ZNF385D: variants seen among roughly 807,000 people sequenced by gnomAD.
The protein encoded by ZNF385D is zinc finger protein 659.
Under a neutral mutation model 35.8 loss-of-function variants are expected in ZNF385D, and 15 were observed. The ratio of observed to expected loss-of-function variants is 0.42; its 90% confidence interval spans 0.28 to 0.64. The LOEUF is 0.64. ZNF385D is among the 30% of genes least tolerant of loss of function. The pLI is 0.23. For synonymous variants in ZNF385D, 212 were observed against 186.8 expected (o/e 1.13, Z -1.10); for missense variants, 474 against 494.6 (o/e 0.96, Z 0.39).
At chr3:21,907,107 G>C (rs910595955) in intron 3 of ZNF385D, among the ~76,000 whole-genome samples, 31 of 152,066 alleles carry the variant, frequency 2.0e-4, no homozygotes, top group Non-Finnish European at 7.4e-5. Context: ...CATCGAGAAT[G>C]TTTATTAGAA....
intron 3 of ZNF385D, among the ~76,000 whole-genome samples, chr3:22,115,040 T>C (rs1159137050): frequency 6.6e-6 from 1 of 152,040 alleles, no homozygotes; most frequent in South Asian, 2.1e-4. Context: ...ATTAGCCAGT[T>C]TCAAGTATTT....
intron 3 of ZNF385D, among the ~76,000 whole-genome samples, chr3:21,978,822 A>G (rs1694217478): frequency 6.6e-6 from 1 of 152,190 alleles, no homozygotes; most frequent in South Asian, 2.1e-4. Context: ...CATTATGACA[A>G]ATGTTTCCTG....
At chr3:21,535,278 C>T (rs988456868) in intron 3 of ZNF385D, among the ~76,000 whole-genome samples, 3 of 152,052 alleles carry the variant, frequency 2.0e-5, no homozygotes, top group African/African-American at 7.2e-5. Flanking sequence ...CATCTAACTG[C>T]CAGCTAATGG....
At chr3:21,849,618 T>A (rs1696249255) in intron 3 of ZNF385D, 1 of 141,782 alleles carries the variant, frequency 7.1e-6, no homozygotes. Context: ...TTTTTTTTTT[T>A]TTTTTTTTTC....
chr3:21,985,095 A>G (rs1694730787), intron 3 of ZNF385D, among the ~76,000 whole-genome samples: 1 of 134,480 alleles, frequency 7.4e-6, no homozygotes, highest in South Asian at 2.8e-4. Context: ...CTAGATAAAC[A>G]ATCATGTCGT....
chr3:21,566,080 G>A (rs180814775), intron 2 of ZNF385D, among the ~76,000 whole-genome samples: 1 of 152,108 alleles, frequency 6.6e-6, no homozygotes, highest in Non-Finnish European at 1.5e-5. Flanking sequence ...GTTAACATAC[G>A]GTTCTGAATA....
intron 3 of ZNF385D, among the ~76,000 whole-genome samples, chr3:21,990,403 A>T (rs1236884280): frequency 6.6e-6 from 1 of 152,222 alleles, no homozygotes; most frequent in East Asian, 1.9e-4. Context: ...CTATGAACTT[A>T]CCTAACTTCC....
At chr3:22,115,384 T>A (rs183083609) in intron 3 of ZNF385D, among the ~76,000 whole-genome samples, 1 of 152,090 alleles carries the variant, frequency 6.6e-6, no homozygotes, top group Non-Finnish European at 1.5e-5. Flanking sequence ...TGTGCACAAG[T>A]AGAAAGAGAA....
chr3:21,770,947 G>C (rs550583129), intron 3 of ZNF385D, among the ~76,000 whole-genome samples: 26 of 152,182 alleles, frequency 1.7e-4, no homozygotes, highest in African/African-American at 6.0e-4. Context: ...TAGGGACATG[G>C]ATGAAGCTGG....
chr3:21,891,377 T>C (rs986639716), intron 3 of ZNF385D, among the ~76,000 whole-genome samples: 3 of 152,164 alleles, frequency 2.0e-5, no homozygotes, highest in Admixed American at 6.5e-5. Flanking sequence ...TTTCAAGTAA[T>C]GCGTGACTAG....
intron 3 of ZNF385D, among the ~76,000 whole-genome samples, chr3:22,006,605 A>G (rs1696222596): frequency 1.3e-5 from 2 of 152,150 alleles, no homozygotes; most frequent in South Asian, 4.1e-4. Flanking sequence ...AAAGTTCATT[A>G]CAGAAAGAAG....
intron 3 of ZNF385D, among the ~76,000 whole-genome samples, chr3:21,959,242 G>A (rs979268420): frequency 2.6e-5 from 4 of 152,106 alleles, no homozygotes; most frequent in African/African-American, 9.7e-5. Flanking sequence ...ATAAAGTGTA[G>A]TGCCTACAAC....
chr3:21,812,547 T>C (rs1157990951), intron 3 of ZNF385D, among the ~76,000 whole-genome samples: 3 of 152,242 alleles, frequency 2.0e-5, no homozygotes, highest in Admixed American at 6.5e-5. Flanking sequence ...CAGGAGGTTA[T>C]ATCCCATGCC....
chr3:21,852,245 T>C (rs903406552), intron 3 of ZNF385D, among the ~76,000 whole-genome samples: 1 of 151,924 alleles, frequency 6.6e-6, no homozygotes, highest in African/African-American at 2.4e-5. Context: ...ATGTCTCTCA[T>C]TGGGTTGCAC....
intron 2 of ZNF385D, among the ~76,000 whole-genome samples, chr3:21,621,950 T>C (rs2065021117): frequency 6.6e-6 from 1 of 152,032 alleles, no homozygotes; most frequent in South Asian, 2.1e-4. Context: ...GGAAATGTAT[T>C]ACTCTTCTGG....
chr3:21,789,308 C>T (rs1272277584), intron 3 of ZNF385D, among the ~76,000 whole-genome samples: 2 of 152,140 alleles, frequency 1.3e-5, no homozygotes, highest in Admixed American at 6.6e-5. Context: ...GAGCAAGACA[C>T]TCCTGTTATT....
chr3:22,093,989 C>A (rs995628374), intron 3 of ZNF385D, among the ~76,000 whole-genome samples: 7 of 152,096 alleles, frequency 4.6e-5, no homozygotes, highest in South Asian at 2.1e-4. Flanking sequence ...GAAACTAGCA[C>A]CTTGATTTCT....
At chr3:22,028,830 G>A (rs1275402563) in intron 3 of ZNF385D, among the ~76,000 whole-genome samples, 5 of 152,144 alleles carry the variant, frequency 3.3e-5, no homozygotes, top group Non-Finnish European at 5.9e-5. Flanking sequence ...CATTGGAATG[G>A]CCTTTGGAAG....
At chr3:22,092,918 T>G (rs536194702) in intron 3 of ZNF385D, among the ~76,000 whole-genome samples, 1 of 152,298 alleles carries the variant, frequency 6.6e-6, no homozygotes, top group East Asian at 1.9e-4. Flanking sequence ...CATCTATTCT[T>G]GAAATTACTA....
Sources: gnomAD v4.1 joint callset for allele counts (sites outside exome capture counted in the v4.1 genomes callset) on GRCh38, gnomAD v4.1.1 for gene constraint, MANE v1.5 for transcripts, NCBI Gene and HGNC (gene_info 2026-07-23, HGNC 2026-07-21) for gene names.